Variants in ZBTB7C observed in about 807,000 individuals in gnomAD.
ZBTB7C encodes the protein zinc finger and BTB domain-containing protein 7C.
In ZBTB7C, 8 loss-of-function variants were observed where a neutral mutation model predicts 25.7. That is an observed-to-expected ratio of 0.31 (90% CI 0.18 to 0.56). The LOEUF is 0.56. Ranked by LOEUF, ZBTB7C falls within the 20% of genes least tolerant of loss-of-function variation. The pLI, the probability that ZBTB7C is intolerant of heterozygous loss-of-function variation, is 0.91. For missense variants in ZBTB7C, 824 were observed against 855.2 expected (o/e 0.96, Z 0.46); for synonymous variants, 394 against 369.0 (o/e 1.07, Z -0.78).
intron 1 of ZBTB7C, among the ~76,000 whole-genome samples, chr18:48,366,528 T>C (rs1484092193): frequency 6.6e-6 from 1 of 152,164 alleles, no homozygotes; most frequent in African/African-American, 2.4e-5. Flanking sequence ...ATTTGCAACA[T>C]ACATGGCACG....
rs201960094 is a variant in ZBTB7C, at chr18:48,029,341, G to T, written c.1779C>A (p.Asp593Glu). The T allele has an allele frequency of 6.5e-7, 1 of 1,543,432 alleles. No individual in the cohort carries two copies. Among genetic ancestry groups the T allele is most frequent in the South Asian group, 1.2e-5 (1 of 84,984 alleles). The change falls in exon 5 of 5, where the codon GAC becomes GAA. Residue 593 changes from aspartate (D) to glutamate (E), a missense_variant. Asp to Glu is a conservative substitution (Grantham distance 45, BLOSUM62 2). This residue lies in a region of ZBTB7C where 342 missense variants were observed against 307.0 expected (regional missense o/e 1.11). Transcript: ENST00000590800. The part of the protein sequence containing the change: ...AAARPYFPLP[D>E]PWAAGLAGLP... Reference sequence around the variant, plus strand: ...GGCCGGCCAGGCCGGCGGCCCAAGGGTCGGGCAGCGGGAAGTAGGGCCGCG... The same window carrying T: ...GGCCGGCCAGGCCGGCGGCCCAAGGTTCGGGCAGCGGGAAGTAGGGCCGCG...
intron 3 of ZBTB7C, among the ~76,000 whole-genome samples, chr18:48,167,100 C>T (rs1821865482): frequency 6.6e-6 from 1 of 152,196 alleles, no homozygotes; most frequent in African/African-American, 2.4e-5. Flanking sequence ...CGGAGGTAGT[C>T]CTGTGTCCGG....
At chr18:48,270,010 T>C (rs2044427604) in intron 2 of ZBTB7C, among the ~76,000 whole-genome samples, 1 of 151,892 alleles carries the variant, frequency 6.6e-6, no homozygotes, top group South Asian at 2.1e-4. Context: ...AATAAAGTAA[T>C]GGAAAAAGGC....
chr18:48,288,335 T>A (rs955503632), intron 2 of ZBTB7C, among the ~76,000 whole-genome samples: 1 of 152,184 alleles, frequency 6.6e-6, no homozygotes, highest in African/African-American at 2.4e-5. Flanking sequence ...CCTTCATGAA[T>A]GAGATGAATT....
At chr18:48,033,677 TG>T (rs2049685735) in intron 4 of ZBTB7C, among the ~76,000 whole-genome samples, 1 of 152,202 alleles carries the variant, frequency 6.6e-6, no homozygotes, top group African/African-American at 2.4e-5. Flanking sequence ...GCCCAGTAAG[TG>T]ACACTATTAG....
intron 3 of ZBTB7C, among the ~76,000 whole-genome samples, chr18:48,050,052 A>G (rs952415163): frequency 2.0e-5 from 3 of 152,150 alleles, no homozygotes; most frequent in African/African-American, 7.2e-5. Context: ...GCATGGGGTG[A>G]GAAGGGATGT....
At chr18:48,092,573 G>C (rs964643660) in intron 3 of ZBTB7C, among the ~76,000 whole-genome samples, 1 of 152,188 alleles carries the variant, frequency 6.6e-6, no homozygotes, top group African/African-American at 2.4e-5. Flanking sequence ...GAAGGATTTT[G>C]CACTCAAATA....
chr18:48,097,457 C>T (rs527513931), intron 3 of ZBTB7C, among the ~76,000 whole-genome samples: 13 of 151,786 alleles, frequency 8.6e-5, no homozygotes, highest in South Asian at 4.2e-4. Flanking sequence ...AGTGCGGTGG[C>T]GCGATCTCGG....
At chr18:48,394,675 G>A (rs1296088997) in intron 1 of ZBTB7C, among the ~76,000 whole-genome samples, 2 of 152,136 alleles carry the variant, frequency 1.3e-5, no homozygotes, top group Non-Finnish European at 2.9e-5. Context: ...GCGTATGTGT[G>A]TAAAAATTAC....
intron 3 of ZBTB7C, among the ~76,000 whole-genome samples, chr18:48,042,435 A>AAAAC (rs2036290132): frequency 6.6e-6 from 1 of 152,198 alleles, no homozygotes; most frequent in African/African-American, 2.4e-5. Context: ...AAGTGGGGAG[A>AAAAC]AAACAAAAAG....
intron 2 of ZBTB7C, among the ~76,000 whole-genome samples, chr18:48,268,743 T>C (rs529901648): frequency 0.16 from 57 of 360 alleles, no homozygotes; most frequent in African/African-American, 0.31. Context: ...GACATATACA[T>C]GTAAATGTGG....
Position 48,378,407 on chromosome 18 carries a change from C to T in ZBTB7C, c.-304+30819G>A, listed in dbSNP as rs529901084. Among the ~76,000 whole-genome samples the T allele has an allele frequency of 3.3e-5, 5 of 152,278 alleles. No individual in the cohort carries two copies. The South Asian group carries it at 1.0e-3, about 32-fold the overall frequency. On this transcript the variant is annotated intron_variant, in intron 1 of 4. Transcript: ENST00000590800. The stretch of plus-strand genomic sequence containing the variant: ...AGGCACTCAGAGCACCAACTCTCAG[C>T]ACATTACCCTCCAGGCAGAAGGTGG...
In ZBTB7C at chr18:48,318,543, G is replaced by A. The variant is rs978341927; in HGVS notation, c.-79+19631C>T. ...TCCTCACACTAGGAGGGTCGCATCT[G>A]CGGCCCACGTCCTCCCTCTGGTCCA... On this transcript the variant is annotated intron_variant, in intron 2 of 4. Coordinates refer to ENST00000590800, the MANE Select transcript of ZBTB7C (RefSeq NM_001318841.2). Among the ~76,000 whole-genome samples, 3 of 152,206 alleles carry A rather than the reference G, an allele frequency of 2.0e-5. No individual in the cohort carries two copies. The East Asian group carries it at 5.8e-4, about 29-fold the overall frequency.
intron 3 of ZBTB7C, among the ~76,000 whole-genome samples, chr18:48,100,397 T>C (rs913727333): frequency 4.6e-5 from 7 of 152,158 alleles, no homozygotes; most frequent in African/African-American, 1.7e-4. Context: ...CATCTTATTA[T>C]TCTCCCGCTC....
chr18:48,144,876 C>T (rs947195648), intron 3 of ZBTB7C, among the ~76,000 whole-genome samples: 2 of 152,174 alleles, frequency 1.3e-5, no homozygotes, highest in Non-Finnish European at 1.5e-5. Context: ...AGTGTGCTCT[C>T]TGAGGCTGGG....
At chr18:48,392,275 C>CT (rs1034948199) in intron 1 of ZBTB7C, among the ~76,000 whole-genome samples, 3 of 152,188 alleles carry the variant, frequency 2.0e-5, no homozygotes, top group Admixed American at 6.5e-5. Flanking sequence ...TCTTCACCAA[C>CT]TTTTTTTAAA....
intron 2 of ZBTB7C, among the ~76,000 whole-genome samples, chr18:48,285,552 A>G (rs956960015): frequency 4.6e-5 from 7 of 152,070 alleles, no homozygotes; most frequent in African/African-American, 9.7e-5. Flanking sequence ...AGGTCTCCCT[A>G]TGTTGATCAG....
chr18:48,399,321 A>C (rs1011410339), intron 1 of ZBTB7C, among the ~76,000 whole-genome samples: 1 of 152,256 alleles, frequency 6.6e-6, no homozygotes, highest in African/African-American at 2.4e-5. Context: ...GTACCTTTTG[A>C]ATTTTAAACC....
chr18:48,367,186 T>C (rs2047245127), intron 1 of ZBTB7C, among the ~76,000 whole-genome samples: 1 of 22,474 alleles, frequency 4.4e-5, no homozygotes, highest in South Asian at 3.3e-3. Flanking sequence ...TATATATATA[T>C]ATATATATAT....
Sources: gnomAD v4.1 joint callset for allele counts (sites outside exome capture counted in the v4.1 genomes callset) on GRCh38, gnomAD v4.1.1 for gene constraint, gnomAD v4.1.1 regional missense constraint, MANE v1.5 for transcripts, NCBI Gene and HGNC (gene_info 2026-07-23, HGNC 2026-07-21) for gene names.